The following CASS4 variants were observed in gnomAD, a reference collection of about 807,000 sequenced individuals.
CASS4 encodes the protein Cas scaffold protein family member 4.
A neutral mutation model predicts 54.2 loss-of-function variants in CASS4; 22 were observed. That is an observed-to-expected ratio of 0.41 (90% confidence interval 0.29 to 0.58). CASS4 has a LOEUF of 0.58. Among genes scored for constraint, CASS4 ranks in the 20% least tolerant of loss-of-function variants. The probability of loss-of-function intolerance (pLI) is 0.36; values close to 1 mark genes in which losing one functional copy is unlikely to be tolerated. For synonymous variants in CASS4, 409 were observed against 391.5 expected, an observed-to-expected ratio of 1.04 and a Z score of -0.53; for missense variants, 854 against 986.7, an observed-to-expected ratio of 0.87 and a Z score of 1.80.
chr20:56,450,851 T>C (rs1568681147), intron 4 of CASS4, among the ~76,000 whole-genome samples, 172 bp downstream of exon 4: 1 of 151,966 alleles, frequency 6.6e-6, no homozygotes. Flanking sequence ...CTGGCCAACA[T>C]GGCAAAACCC....
At position 56,414,706 on chromosome 20, in the gene CASS4, T is replaced by G. The variant is rs1040262815; in HGVS notation, c.36+2212T>G. Among the ~76,000 whole-genome samples the G allele has an allele frequency of 6.6e-6, 1 of 152,182 alleles. No homozygotes were observed. On this transcript the variant is annotated intron_variant, in intron 1 of 5. Transcript: ENST00000679887. The surrounding 1 kb of genome is among the most constrained non-coding windows in gnomAD (Gnocchi z 4.1). Reference sequence around the variant, plus strand: ...TGGCTCATGCCTGTAATCCCACCACTTTCAGAGGCTGAAGCGTGTGGATCA... The same window carrying G: ...TGGCTCATGCCTGTAATCCCACCACGTTCAGAGGCTGAAGCGTGTGGATCA...
chr20:56,414,109 A>G lies in CASS4; in HGVS notation c.36+1615A>G, dbSNP rs1979019284. On this transcript the variant is annotated intron_variant, in intron 1 of 5. Transcript: ENST00000679887. This position sits in a 1 kb window ranked among gnomAD's most constrained non-coding sequence, Gnocchi z 4.1. Reference sequence around the variant, plus strand: ...ATCATCATACCCAAGAACATTTCACATTTATTTAATAATGCCTTTCTACTA... The same window carrying G: ...ATCATCATACCCAAGAACATTTCACGTTTATTTAATAATGCCTTTCTACTA... 6.6e-6 allele frequency among the ~76,000 whole-genome samples: 1 copy of G among 152,214 alleles called. No homozygotes were observed. Among genetic ancestry groups the G allele is most frequent in the Non-Finnish European group, 1.5e-5 (1 of 68,036 alleles).
chr20:56,425,139 C>G (rs1979581065), intron 1 of CASS4, among the ~76,000 whole-genome samples: 1 of 152,206 alleles, frequency 6.6e-6, no homozygotes, highest in Non-Finnish European at 1.5e-5. Context: ...GTACTCAGAT[C>G]ATTCTGCAGC....
At chr20:56,424,037 CA>C (rs1264121103) in intron 1 of CASS4, among the ~76,000 whole-genome samples, 2 of 151,982 alleles carry the variant, frequency 1.3e-5, no homozygotes, top group African/African-American at 2.4e-5. Flanking sequence ...ATATTAATCA[CA>C]AAAAAAGGCA....
At chr20:56,426,960 G>A (rs1158078899) in intron 1 of CASS4, among the ~76,000 whole-genome samples, 2 of 152,116 alleles carry the variant, frequency 1.3e-5, no homozygotes, top group Non-Finnish European at 2.9e-5. Context: ...GTATTGTTAT[G>A]TGGGGTTTGC....
Position 56,437,738 on chromosome 20 carries a change from A to G in CASS4, c.459+152A>G. Reference sequence around the variant, plus strand: ...ATCACGCTCGGGGAGCTTGTGTGCCAGGTTGGGATGGAGAACTCAGCGGCC... The same window carrying G: ...ATCACGCTCGGGGAGCTTGTGTGCCGGGTTGGGATGGAGAACTCAGCGGCC... On this transcript the variant is annotated intron_variant, in intron 2 of 5. Coordinates refer to ENST00000679887, the MANE Select transcript of CASS4 (RefSeq NM_020356.4). The surrounding 1 kb of genome is among the most constrained non-coding windows in gnomAD (Gnocchi z 4.7). The G allele has an allele frequency of 1.4e-6, 1 of 720,972 alleles. No homozygotes were observed. Among genetic ancestry groups the G allele is most frequent in the South Asian group, 2.4e-5 (1 of 41,464 alleles). The allele number at this position is 720,972 out of a possible 1,614,324, so 44.7% of individuals were successfully genotyped here. A position where few individuals can be genotyped will look rare whatever the true frequency, so the allele number is the denominator to read the frequency against.
At position 56,452,457 on chromosome 20, in the gene CASS4, G is replaced by A. The variant is rs879353606; in HGVS notation, c.1281G>A (p.Glu427=). The A allele has an allele frequency of 8.1e-6, 13 of 1,613,906 alleles. No homozygotes were observed. Among genetic ancestry groups the A allele is most frequent in the Non-Finnish European group, 1.1e-5 (13 of 1,179,878 alleles). The change falls in exon 5 of 6, where the codon GAG becomes GAA. Residue 427 remains glutamate, a synonymous_variant. Transcript: ENST00000679887. ...STDDSSSSSS[E]ESAKELSLDL... ...ACGACTCCTCCAGCTCTTCCTCGGAGGAGTCAGCAAAGGAGCTCTCCTTGG... is the reference window on the plus strand; with the variant it reads ...ACGACTCCTCCAGCTCTTCCTCGGAAGAGTCAGCAAAGGAGCTCTCCTTGG...
chr20:56,451,982 C>CTCTCT lies in CASS4; in HGVS notation c.806_807insTCTCT (p.His270LeufsTer27). 6.2e-7 allele frequency: 1 copy of CTCTCT among 1,614,146 alleles called. No individual in the cohort carries two copies. The highest frequency in any genetic ancestry group is 8.5e-7 in the Non-Finnish European group (1 of 1,180,038). On this transcript the variant is annotated frameshift_variant, in exon 5 of 6. Transcript: ENST00000679887. LOFTEE classifies it high-confidence loss of function. Reference sequence around the variant, plus strand: ...ACCAGCTTTGCGGAAGAATCAAGGCCCCACGCTCTCCCCAGTTCCAGCTCC... The same window carrying CTCTCT: ...ACCAGCTTTGCGGAAGAATCAAGGCCTCTCTCCACGCTCTCCCCAGTTCCAGCTCC...
intron 2 of CASS4, among the ~76,000 whole-genome samples, chr20:56,443,879 A>G (rs1212904691): frequency 6.6e-6 from 1 of 152,296 alleles, no homozygotes; most frequent in East Asian, 1.9e-4. Context: ...CAGATCCCCC[A>G]GGCGAGAGTG....
chr20:56,432,440 T>C (rs1429995400), intron 1 of CASS4, among the ~76,000 whole-genome samples: 1 of 142,032 alleles, frequency 7.0e-6, no homozygotes, highest in Non-Finnish European at 1.5e-5. Flanking sequence ...CGATCTTGGC[T>C]CACTGCAACC....
At chr20:56,441,954 G>A (rs1239981804) in intron 2 of CASS4, among the ~76,000 whole-genome samples, 2 of 152,154 alleles carry the variant, frequency 1.3e-5, no homozygotes, top group Admixed American at 6.5e-5. Flanking sequence ...AAAGGCAGGC[G>A]TCTCCTCCCT....
Position 56,453,868 on chromosome 20 carries a change from A to C in CASS4, c.1953+739A>C, listed in dbSNP as rs1981161752. 2.0e-5 allele frequency: 3 copies of C among 152,106 alleles called. No individual in the cohort carries two copies. In the South Asian group the frequency reaches 6.2e-4, roughly 32 times the overall value. The allele number at this position is 152,106 out of a possible 1,614,324, so 9.4% of individuals were successfully genotyped here. A position where few individuals can be genotyped will look rare whatever the true frequency, so the allele number is the denominator to read the frequency against. ...CAGCCTTGGTGACAGAGCAAGAGCT[A>C]ATCTCTAAAAAAAAGAAAAGAAAAA... On this transcript the variant is annotated intron_variant, in intron 5 of 5. Coordinates refer to ENST00000679887, the MANE Select transcript of CASS4 (RefSeq NM_020356.4).
At chr20:56,417,541 T>C (rs1256404810) in intron 1 of CASS4, among the ~76,000 whole-genome samples, 2 of 152,366 alleles carry the variant, frequency 1.3e-5, no homozygotes, top group Middle Eastern at 3.4e-3. Context: ...TCTGTCTTCC[T>C]CTCTGGGAAC....
In CASS4 at chr20:56,460,019, G is replaced by A. The variant is rs1407434322; in HGVS notation, c.*1272G>A. The A allele has an allele frequency of 6.6e-6, 1 of 152,442 alleles. No homozygotes were observed. Among genetic ancestry groups the A allele is most frequent in the Non-Finnish European group, 1.5e-5 (1 of 68,044 alleles). 9.4% of individuals were successfully genotyped at this position (152,442 alleles called of 1,614,324 possible). The stretch of plus-strand genomic sequence containing the variant: ...TGGTTAATTTTTATTGCATCCATTA[G>A]ATAATAGAGTAAGTTTTTTGTTGTT... On this transcript the variant is annotated 3_prime_UTR_variant, in exon 6 of 6. Coordinates refer to ENST00000679887, the MANE Select transcript of CASS4 (RefSeq NM_020356.4).
At position 56,444,339 on chromosome 20, in the gene CASS4, G is replaced by GC. The variant is rs767687124; in HGVS notation, c.460-1556dup. On this transcript the variant is annotated intron_variant, in intron 2 of 5. Transcript: ENST00000679887. ...AACATCCCCTGAGCCAACTTGGAAA[G>GC]CCCCCTACTGAGCAACAGCTCCTTG... is the stretch of plus-strand genomic sequence containing the variant. 5.3e-5 allele frequency among the ~76,000 whole-genome samples: 8 copies of GC among 152,138 alleles called. 1 individual carries two copies. Among genetic ancestry groups the GC allele is most frequent in the East Asian group, 1.9e-4 (1 of 5,156 alleles).
At chr20:56,445,483 T>C (rs549571493) in intron 2 of CASS4, among the ~76,000 whole-genome samples, 2 of 152,320 alleles carry the variant, frequency 1.3e-5, no homozygotes, top group Middle Eastern at 3.4e-3. Context: ...CCTAGCTAGA[T>C]GAATGTAGAC....
chr20:56,449,625 A>G (rs1475688014), intron 3 of CASS4, among the ~76,000 whole-genome samples: 1 of 152,072 alleles, frequency 6.6e-6, no homozygotes, highest in Non-Finnish European at 1.5e-5. Flanking sequence ...ATCATAAATT[A>G]TTAAACTAAT....
chr20:56,418,869 T>C (rs1226236027), intron 1 of CASS4, among the ~76,000 whole-genome samples: 1 of 152,184 alleles, frequency 6.6e-6, no homozygotes, highest in Non-Finnish European at 1.5e-5. Flanking sequence ...CAAGTCCAAG[T>C]GCCTGGTCCC....
At chr20:56,444,491 A>G (rs1980613101) in intron 2 of CASS4, among the ~76,000 whole-genome samples, 1 of 151,968 alleles carries the variant, frequency 6.6e-6, no homozygotes, top group Non-Finnish European at 1.5e-5. Flanking sequence ...TCCCTCTTAG[A>G]CTTTAAGCCC....
Sources: gnomAD v4.1 joint callset for allele counts (sites outside exome capture counted in the v4.1 genomes callset) on GRCh38, gnomAD v4.1.1 for gene constraint, Gnocchi (gnomAD v3.1) non-coding constraint, MANE v1.5 for transcripts, NCBI Gene and HGNC (gene_info 2026-07-23, HGNC 2026-07-21) for gene names.